PIP5K1B: variants seen among roughly 807,000 people sequenced by gnomAD.
PIP5K1B encodes the protein phosphatidylinositol 4-phosphate 5-kinase type-1 beta.
Under a neutral mutation model 67.0 loss-of-function variants are expected in PIP5K1B, and 42 were observed. The observed-to-expected ratio is 0.63, with a 90% CI of 0.49 to 0.81. The LOEUF (loss-of-function observed/expected upper bound fraction) is 0.81, where lower values mean the gene tolerates loss of function less well. Ranked by LOEUF, PIP5K1B falls within the 30% of genes least tolerant of loss-of-function variation. The pLI is 0.00. For missense variants in PIP5K1B, 459 were observed against 646.3 expected, an observed-to-expected ratio of 0.71 and a Z score of 3.14; for synonymous variants, 214 against 231.4, an observed-to-expected ratio of 0.92 and a Z score of 0.68.
At chr9:68,898,928 A>T (rs1825226915) in intron 8 of PIP5K1B, among the ~76,000 whole-genome samples, 1 of 152,142 alleles carries the variant, frequency 6.6e-6, no homozygotes, top group Non-Finnish European at 1.5e-5. Flanking sequence ...TGATCCTCTG[A>T]TCAGAAGACT....
intron 15 of PIP5K1B, among the ~76,000 whole-genome samples, chr9:68,996,807 A>G (rs1327762736): frequency 1.3e-5 from 2 of 152,186 alleles, no homozygotes; most frequent in Non-Finnish European, 2.9e-5. Context: ...GTGGGAGATA[A>G]TGGGATTGCT....
At chr9:68,956,658 G>A (rs1425934677) in intron 14 of PIP5K1B, among the ~76,000 whole-genome samples, 1 of 152,224 alleles carries the variant, frequency 6.6e-6, no homozygotes, top group Non-Finnish European at 1.5e-5. Context: ...GCTAGAGAAT[G>A]TATGATATCT....
chr9:68,940,667 C>T lies in PIP5K1B; in HGVS notation c.1379C>T (p.Pro460Leu). 1 of 1,613,986 alleles carries T rather than the reference C, an allele frequency of 6.2e-7. No homozygotes were observed. Among genetic ancestry groups the T allele is most frequent in the Non-Finnish European group, 8.5e-7 (1 of 1,179,888 alleles). ...DEEALGSRHR[P>L]DLVPSTPSLF... ...CTAGCCCTGGGATCCCGACACAGGC[C>T]AGACCTGGTCCCTAGCACTCCATCA... Residue 460 changes from proline (P) to leucine (L), a missense_variant, in exon 14 of 16, where the codon CCA (proline) becomes CTA (leucine). This residue lies in a region of PIP5K1B where 169 missense variants were observed against 171.9 expected (regional missense o/e 0.98). Transcript: ENST00000265382.
intron 2 of PIP5K1B, among the ~76,000 whole-genome samples, chr9:68,769,118 T>A (rs1830566743): frequency 6.6e-6 from 1 of 152,198 alleles, no homozygotes. Flanking sequence ...AATTGAAAAA[T>A]TATTTTAAAA....
intron 4 of PIP5K1B, among the ~76,000 whole-genome samples, chr9:68,840,691 C>A (rs1821871173): frequency 6.6e-6 from 1 of 152,182 alleles, no homozygotes; most frequent in African/African-American, 2.4e-5. Flanking sequence ...CTCACCCGCT[C>A]CTTTGCCTCT....
rs141352372 is a variant in PIP5K1B at position 68,870,762 on chromosome 9, G to T, written c.201-5915G>T. 1.1e-4 allele frequency among the ~76,000 whole-genome samples: 17 copies of T among 152,296 alleles called. No individual in the cohort carries two copies. In the East Asian group the frequency reaches 2.5e-3, roughly 22 times the overall value. ...ATTTATCCTGTCATACAGAGGGTAA[G>T]GTCATGTTTGTTGAATACAAGTGAG... On this transcript the variant is annotated intron_variant, in intron 5 of 15. Coordinates refer to ENST00000265382, the MANE Select transcript of PIP5K1B (RefSeq NM_003558.4).
intron 6 of PIP5K1B, among the ~76,000 whole-genome samples, chr9:68,877,096 T>G (rs1823935873): frequency 6.6e-6 from 1 of 152,208 alleles, no homozygotes; most frequent in African/African-American, 2.4e-5. Flanking sequence ...CTCCTGTGAA[T>G]TTTGCTGATT....
At chr9:68,732,551 C>T (rs934444479) in intron 1 of PIP5K1B, among the ~76,000 whole-genome samples, 19 of 152,182 alleles carry the variant, frequency 1.2e-4, no homozygotes, top group African/African-American at 4.3e-4. Flanking sequence ...AGAACTTTGA[C>T]CACCTACTGT....
chr9:68,869,299 T>C (rs903013353), intron 5 of PIP5K1B, among the ~76,000 whole-genome samples: 4 of 152,208 alleles, frequency 2.6e-5, no homozygotes, highest in Non-Finnish European at 5.9e-5. Context: ...ACAAACCCTG[T>C]AGTGAACTGT....
chr9:68,892,364 A>G (rs1013659239), intron 7 of PIP5K1B, among the ~76,000 whole-genome samples: 2 of 152,236 alleles, frequency 1.3e-5, no homozygotes, highest in Non-Finnish European at 2.9e-5. Flanking sequence ...GCTATAGCAT[A>G]TACAAAAAAT....
At chr9:68,723,702 T>G (rs1307100161) in intron 1 of PIP5K1B, among the ~76,000 whole-genome samples, 2 of 147,940 alleles carry the variant, frequency 1.4e-5, no homozygotes, top group Non-Finnish European at 3.0e-5. Context: ...TTGGTTTTTT[T>G]TTTTTTTTTT....
At chr9:68,829,202 T>G (rs988821351) in intron 4 of PIP5K1B, among the ~76,000 whole-genome samples, 2 of 152,222 alleles carry the variant, frequency 1.3e-5, no homozygotes, top group African/African-American at 4.8e-5. Context: ...TTCAGGATTT[T>G]GGAGGGAAGA....
intron 14 of PIP5K1B, chr9:68,963,263 G>A (rs1392292718): frequency 1.5e-5 from 7 of 454,932 alleles, no homozygotes; most frequent in Admixed American, 7.1e-5. Flanking sequence ...AGCACTTTGC[G>A]AGGCCGAGGC....
chr9:68,750,369 C>G (rs181879608), intron 2 of PIP5K1B, among the ~76,000 whole-genome samples: 1 of 152,322 alleles, frequency 6.6e-6, no homozygotes, highest in East Asian at 1.9e-4. Flanking sequence ...CCTGGATAAG[C>G]TGTAACAACA....
chr9:69,004,532 G>A (rs1258950963), intron 15 of PIP5K1B, among the ~76,000 whole-genome samples: 1 of 152,198 alleles, frequency 6.6e-6, no homozygotes, highest in East Asian at 1.9e-4. Flanking sequence ...TGATCCCTGA[G>A]CGGTCAAACC....
At chr9:68,829,359 C>A (rs982221090) in intron 4 of PIP5K1B, among the ~76,000 whole-genome samples, 7 of 152,100 alleles carry the variant, frequency 4.6e-5, no homozygotes, top group Non-Finnish European at 8.8e-5. Flanking sequence ...GATGAATGAC[C>A]CTTTGGTATT....
chr9:69,001,613 C>G (rs1341881075), intron 15 of PIP5K1B, among the ~76,000 whole-genome samples: 3 of 152,054 alleles, frequency 2.0e-5, no homozygotes, highest in Admixed American at 2.0e-4. Flanking sequence ...AGGAGAGAGA[C>G]AGAAGTGGCA....
intron 4 of PIP5K1B, among the ~76,000 whole-genome samples, chr9:68,842,267 G>A (rs1821956492): frequency 6.6e-6 from 1 of 152,234 alleles, no homozygotes; most frequent in Non-Finnish European, 1.5e-5. Flanking sequence ...TGGACAGGCA[G>A]GGAGGGTGGA....
intron 14 of PIP5K1B, among the ~76,000 whole-genome samples, chr9:68,957,722 T>A (rs1369198244): frequency 6.6e-6 from 1 of 152,178 alleles, no homozygotes; most frequent in East Asian, 1.9e-4. Flanking sequence ...GTATATTTCC[T>A]TCCTCCAGTT....
Sources: gnomAD v4.1 joint callset for allele counts (sites outside exome capture counted in the v4.1 genomes callset) on GRCh38, gnomAD v4.1.1 for gene constraint, gnomAD v4.1.1 regional missense constraint, MANE v1.5 for transcripts, NCBI Gene and HGNC (gene_info 2026-07-23, HGNC 2026-07-21) for gene names.